The following KIR3DL1 variants were observed in gnomAD, a reference collection of about 807,000 sequenced individuals.
KIR3DL1 encodes the protein killer cell immunoglobulin-like receptor 3DL1.
Under a neutral mutation model 40.3 loss-of-function variants are expected in KIR3DL1, and 50 were observed. That is an observed-to-expected ratio of 1.24 (90% CI 0.99 to 1.57). KIR3DL1 has a LOEUF of 1.57. Among genes scored for constraint, KIR3DL1 ranks in the 40% most tolerant of loss-of-function variants. The probability of loss-of-function intolerance (pLI) is 0.00; values close to 1 mark genes in which losing one functional copy is unlikely to be tolerated. For synonymous variants in KIR3DL1, 257 were observed against 207.2 expected, an observed-to-expected ratio of 1.24 and a Z score of -2.07; for missense variants, 661 against 559.9, an observed-to-expected ratio of 1.18 and a Z score of -1.82.
intron 3 of KIR3DL1, among the ~76,000 whole-genome samples, chr19:54,819,459 T>C (rs2061520659): frequency 6.6e-6 from 1 of 151,006 alleles, no homozygotes; most frequent in South Asian, 2.1e-4. Flanking sequence ...GGGAAACAGA[T>C]ACAACAGCCC....
intron 5 of KIR3DL1, 129 bp from the exon 6 acceptor site, chr19:54,824,899 A>G: frequency 2.0e-6 from 2 of 989,672 alleles, no homozygotes; most frequent in Non-Finnish European, 3.1e-6. Context: ...TATGGAGAAG[A>G]GGATCCCAAG....
At chr19:54,827,974 G>A (rs2061995553) in intron 6 of KIR3DL1, among the ~76,000 whole-genome samples, 2 of 150,378 alleles carry the variant, frequency 1.3e-5, no homozygotes, top group African/African-American at 5.0e-5. Flanking sequence ...TCCTTGGAGT[G>A]AGTCCAGATC....
At position 54,828,945 on chromosome 19, in the gene KIR3DL1, G is replaced by T. The variant is rs1391156531; in HGVS notation, c.1001-416G>T. ...ACACGGCAAGAGAGGGAGCAAGGGG[G>T]AGGGGGAGCAATGGAGCTTCCAAGC... On this transcript the variant is annotated intron_variant, in intron 6 of 8. Coordinates refer to ENST00000391728, the Ensembl canonical transcript of KIR3DL1. Among the ~76,000 whole-genome samples, 6 of 140,864 alleles carry T rather than the reference G, an allele frequency of 4.3e-5. 1 individual carries two copies. Among genetic ancestry groups the T allele is most frequent in the Admixed American group, 1.5e-4 (2 of 13,632 alleles). The allele number at this position is 140,864 out of a possible 152,430, so 92.4% of individuals were successfully genotyped here.
intron 6 of KIR3DL1, among the ~76,000 whole-genome samples, chr19:54,826,897 A>T (rs1216916011): frequency 6.6e-6 from 1 of 151,852 alleles, no homozygotes; most frequent in Non-Finnish European, 1.5e-5. Flanking sequence ...GTACACAGGA[A>T]ACTAAGGAGC....
chr19:54,819,846 CCCCT>C lies in KIR3DL1; in HGVS notation c.491_494del (p.Pro164HisfsTer21), dbSNP rs2061542380. ...TGCACAAAGAGGGGATCTCTAAGGA[CCCCT>C]CACGCCTCGTTGGACAGATCCATGA... On this transcript the variant is annotated frameshift_variant, in exon 4 of 9. Coordinates refer to ENST00000391728, the Ensembl canonical transcript of KIR3DL1. LOFTEE classifies it high-confidence loss of function. 1.9e-6 allele frequency: 3 copies of C among 1,612,116 alleles called. No homozygotes were observed. In the African/African-American group the frequency reaches 4.0e-5, roughly 22 times the overall value.
rs368157438 is a variant in KIR3DL1 at position 54,829,311 on chromosome 19, T to G, written c.1001-50T>G. 7 of 1,227,116 alleles carry G rather than the reference T, an allele frequency of 5.7e-6. 1 individual carries two copies. The East Asian group carries it at 7.8e-5, about 14-fold the overall frequency. 76.0% of individuals were successfully genotyped at this position (1,227,116 alleles called of 1,614,324 possible). A position where few individuals can be genotyped will look rare whatever the true frequency, so the allele number is the denominator to read the frequency against. On this transcript the variant is annotated intron_variant, in intron 6 of 8. Coordinates refer to ENST00000391728, the Ensembl canonical transcript of KIR3DL1. Reference sequence around the variant, plus strand: ...ATCAAGAAATGCAAGACAATTCATATAGAGAAACTGCTATGATTAGCTTCT... The same window carrying G: ...ATCAAGAAATGCAAGACAATTCATAGAGAGAAACTGCTATGATTAGCTTCT...
chr19:54,828,126 G>A (rs1294762061), intron 6 of KIR3DL1, among the ~76,000 whole-genome samples: 1 of 150,810 alleles, frequency 6.6e-6, no homozygotes, highest in Non-Finnish European at 1.5e-5. Flanking sequence ...AGCCTAACAT[G>A]TGTCTCCCGA....
chr19:54,821,375 T>C (rs1346068578), intron 4 of KIR3DL1, among the ~76,000 whole-genome samples, 190 bp from the exon 5 acceptor site: 2 of 150,232 alleles, frequency 1.3e-5, no homozygotes, highest in South Asian at 4.3e-4. Context: ...GGTGGGGAAG[T>C]GAGGTCATAG....
At chr19:54,818,921 G>T (rs1385221552) in intron 3 of KIR3DL1, among the ~76,000 whole-genome samples, 1 of 150,352 alleles carries the variant, frequency 6.7e-6, no homozygotes, top group Non-Finnish European at 1.5e-5. Flanking sequence ...TAATCACAAG[G>T]GTCCACATGA....
rs566918318 is a variant in KIR3DL1, at chr19:54,820,736, T to C, written c.655+724T>C. 1.2e-3 allele frequency among the ~76,000 whole-genome samples: 185 copies of C among 148,960 alleles called. 8 individuals are homozygous for C. Among genetic ancestry groups the C allele is most frequent in the African/African-American group, 4.5e-3 (182 of 40,308 alleles). ...TAAAAAGAAAGAAAAGAGGGCAGAA[T>C]GGAGAGAATGATGGAAAGGAGGAGA... On this transcript the variant is annotated intron_variant, in intron 4 of 8. Transcript: ENST00000391728.
Position 54,829,139 on chromosome 19 carries a change from G to A in KIR3DL1, c.1001-222G>A, listed in dbSNP as rs558309096. On this transcript the variant is annotated intron_variant, in intron 6 of 8. Transcript: ENST00000391728. ...GTTAAATTTCAATGTGAGGTTTGAA[G>A]GGGTCAAACATCTCAACTAAAGTAG... 1.3e-3 allele frequency among the ~76,000 whole-genome samples: 195 copies of A among 145,210 alleles called. 17 individuals are homozygous for A. Among genetic ancestry groups the A allele is most frequent in the African/African-American group, 4.7e-3 (187 of 39,902 alleles).
At chr19:54,822,699 A>G (rs1317894986) in intron 5 of KIR3DL1, among the ~76,000 whole-genome samples, 5 of 150,700 alleles carry the variant, frequency 3.3e-5, no homozygotes, top group Admixed American at 6.6e-5. Context: ...TCTGGTGTCC[A>G]CCATTGTATT....
At chr19:54,819,483 G>A (rs1432707441) in intron 3 of KIR3DL1, among the ~76,000 whole-genome samples, 1 of 151,280 alleles carries the variant, frequency 6.6e-6, no homozygotes, top group African/African-American at 2.4e-5. Context: ...AGATGAGGCT[G>A]TCTTCACAGT....
At chr19:54,822,781 C>T (rs1406018489) in intron 5 of KIR3DL1, among the ~76,000 whole-genome samples, 1 of 147,444 alleles carries the variant, frequency 6.8e-6, no homozygotes, top group African/African-American at 2.5e-5. Context: ...TAATGACCTC[C>T]AGTTCCATCC....
intron 6 of KIR3DL1, among the ~76,000 whole-genome samples, chr19:54,826,741 G>A (rs1318309641): frequency 1.5e-4 from 23 of 150,624 alleles, no homozygotes; most frequent in African/African-American, 3.2e-4. Context: ...AAAGATTGGC[G>A]GAAGGATTTT....
At chr19:54,818,150 G>A (rs1384914207) in intron 2 of KIR3DL1, among the ~76,000 whole-genome samples, 165 bp from the exon 3 acceptor site, 2 of 141,570 alleles carry the variant, frequency 1.4e-5, no homozygotes, top group African/African-American at 5.7e-5. Context: ...GACACTTGTT[G>A]TAGGGAGACG....
At chr19:54,829,243 T>G in intron 6 of KIR3DL1, 118 bp from the exon 7 acceptor site, 1 of 852,484 alleles carries the variant, frequency 1.2e-6, no homozygotes. Flanking sequence ...TCCCGCCATC[T>G]GGGTGCTTGT....
At chr19:54,817,085 G>A (rs1464077776) in intron 1 of KIR3DL1, among the ~76,000 whole-genome samples, 12 of 147,836 alleles carry the variant, frequency 8.1e-5, no homozygotes, top group Middle Eastern at 3.5e-3. Flanking sequence ...GTGGAGATAC[G>A]GGCCTGGAGC....
chr19:54,829,381 A>C (rs45551936), exon 7 of KIR3DL1: 4 of 1,455,736 alleles, frequency 2.7e-6, no homozygotes, highest in Non-Finnish European at 3.8e-6. Flanking sequence ...ACACCTGCAC[A>C]TTCTGATTGG....
Sources: gnomAD v4.1 joint callset for allele counts (sites outside exome capture counted in the v4.1 genomes callset) on GRCh38, gnomAD v4.1.1 for gene constraint, MANE v1.5 for transcripts, NCBI Gene and HGNC (gene_info 2026-07-23, HGNC 2026-07-21) for gene names.